KSR2: variants seen among roughly 807,000 people sequenced by gnomAD.
The protein encoded by KSR2 is kinase suppressor of ras 2.
A neutral mutation model predicts 107.8 loss-of-function variants in KSR2; 25 were observed. That is an observed-to-expected ratio of 0.23 (90% CI 0.17 to 0.32). KSR2 has a LOEUF of 0.32. Among genes scored for constraint, KSR2 ranks in the 10% least tolerant of loss-of-function variants. The probability of loss-of-function intolerance (pLI) is 1.00; values close to 1 mark genes in which losing one functional copy is unlikely to be tolerated. For missense variants in KSR2, 887 were observed against 1,268.9 expected (o/e 0.70, Z 4.57); for synonymous variants, 480 against 507.0 (o/e 0.95, Z 0.71).
At chr12:117,927,125 C>T (rs1895541537) in intron 1 of KSR2, among the ~76,000 whole-genome samples, 1 of 152,164 alleles carries the variant, frequency 6.6e-6, no homozygotes, top group African/African-American at 2.4e-5. Context: ...TAATCAATCC[C>T]AGCACTTTGG....
chr12:117,635,242 A>G (rs1883011550), intron 5 of KSR2, among the ~76,000 whole-genome samples: 1 of 152,190 alleles, frequency 6.6e-6, no homozygotes, highest in African/African-American at 2.4e-5. Flanking sequence ...ACTAAAAATA[A>G]TGGACTACAG....
chr12:117,528,696 C>T (rs1318986273), intron 12 of KSR2, among the ~76,000 whole-genome samples: 1 of 152,244 alleles, frequency 6.6e-6, no homozygotes, highest in African/African-American at 2.4e-5. Flanking sequence ...ATGCTGAGAA[C>T]TTGATGCCCT....
intron 1 of KSR2, among the ~76,000 whole-genome samples, chr12:117,895,263 G>A (rs745724687): frequency 2.6e-5 from 4 of 151,794 alleles, no homozygotes; most frequent in African/African-American, 4.8e-5. Flanking sequence ...ATATATTACC[G>A]ACATTTTGAT....
At chr12:117,898,866 T>G (rs1388084710) in intron 1 of KSR2, among the ~76,000 whole-genome samples, 1 of 152,156 alleles carries the variant, frequency 6.6e-6, no homozygotes, top group Non-Finnish European at 1.5e-5. Flanking sequence ...ATTTGTGAGA[T>G]CTAAAAATCA....
chr12:117,896,517 T>C (rs944023092), intron 1 of KSR2, among the ~76,000 whole-genome samples: 1 of 149,618 alleles, frequency 6.7e-6, no homozygotes, highest in African/African-American at 2.5e-5. Context: ...TAGAATGCAA[T>C]GTCGCCATCT....
intron 4 of KSR2, among the ~76,000 whole-genome samples, chr12:117,704,555 C>A (rs1045511839): frequency 6.6e-6 from 1 of 152,062 alleles, no homozygotes; most frequent in Non-Finnish European, 1.5e-5. Flanking sequence ...CTTCTCTATA[C>A]CAAGCTCAAG....
At chr12:117,850,546 G>A (rs772217648) in intron 3 of KSR2, among the ~76,000 whole-genome samples, 8 of 152,186 alleles carry the variant, frequency 5.3e-5, no homozygotes, top group Non-Finnish European at 1.0e-4. Flanking sequence ...AATCCATGAG[G>A]AAGACTGTGT....
At chr12:117,901,178 C>G (rs905191618) in intron 1 of KSR2, among the ~76,000 whole-genome samples, 1 of 151,700 alleles carries the variant, frequency 6.6e-6, no homozygotes, top group African/African-American at 2.4e-5. Flanking sequence ...AAATGGGAGG[C>G]TGCCAAAAAA....
chr12:117,743,158 C>T (rs144665037), intron 4 of KSR2, among the ~76,000 whole-genome samples: 200 of 152,360 alleles, frequency 1.3e-3, no homozygotes, highest in Non-Finnish European at 2.5e-3. Context: ...CCATCTTAAA[C>T]AACTAAACAC....
chr12:117,674,159 C>T, intron 4 of KSR2: 1 of 406,586 alleles, frequency 2.5e-6, no homozygotes, highest in Non-Finnish European at 4.9e-6. Context: ...TTTTCTGATG[C>T]CCAATTTACA....
At chr12:117,547,421 A>C (rs556418887) in intron 9 of KSR2, among the ~76,000 whole-genome samples, 716 of 152,194 alleles carry the variant, frequency 4.7e-3, no homozygotes, top group Non-Finnish European at 8.2e-3. Context: ...CTACCTCAGC[A>C]GGTGTGGGAG....
chr12:117,679,809 TC>T (rs1885294705), intron 4 of KSR2, among the ~76,000 whole-genome samples: 1 of 152,134 alleles, frequency 6.6e-6, no homozygotes, highest in South Asian at 2.1e-4. Context: ...GAACAGGGGT[TC>T]TAGAAGAACT....
intron 1 of KSR2, among the ~76,000 whole-genome samples, chr12:117,879,197 C>T (rs1427693022): frequency 6.6e-6 from 1 of 152,096 alleles, no homozygotes; most frequent in Non-Finnish European, 1.5e-5. Context: ...GATAAATAAT[C>T]CCATGATATT....
chr12:117,582,268 T>C (rs922732792), intron 6 of KSR2, 22 bp downstream of exon 6: 15 of 1,608,104 alleles, frequency 9.3e-6, no homozygotes, highest in Admixed American at 1.7e-5. Context: ...TAGGCACCAG[T>C]GCACACAGGA....
intron 4 of KSR2, among the ~76,000 whole-genome samples, chr12:117,719,411 G>T (rs1887122310): frequency 6.6e-6 from 1 of 152,158 alleles, no homozygotes; most frequent in South Asian, 2.1e-4. Context: ...GGCCAGACTG[G>T]TCCTGAACTC....
At chr12:117,486,317 A>G (rs1284601599) in intron 14 of KSR2, among the ~76,000 whole-genome samples, 1 of 152,214 alleles carries the variant, frequency 6.6e-6, no homozygotes, top group Non-Finnish European at 1.5e-5. Context: ...ATGAAAAAGG[A>G]CATTATGCAC....
chr12:117,936,007 A>T (rs1402466285), intron 1 of KSR2, among the ~76,000 whole-genome samples: 1 of 151,548 alleles, frequency 6.6e-6, no homozygotes, highest in Non-Finnish European at 1.5e-5. Context: ...GTCACCTTCT[A>T]TCATCCTTGA....
At position 117,770,976 on chromosome 12, in the gene KSR2, CA is replaced by C. The variant is rs61641342; in HGVS notation, c.473-9453del. Reference sequence around the variant, plus strand: ...TGGGCGACAGAGCGAGACTCCGTCTCAAAAAAAAAAAAAAAAAAAAGACAGT... The same window carrying C: ...TGGGCGACAGAGCGAGACTCCGTCTCAAAAAAAAAAAAAAAAAAAGACAGT... On this transcript the variant is annotated intron_variant, in intron 3 of 19. Transcript: ENST00000339824. Among the ~76,000 whole-genome samples, 431 of 66,216 alleles carry C rather than the reference CA, an allele frequency of 6.5e-3. 2 individuals are homozygous for C. Among genetic ancestry groups the C allele is most frequent in the African/African-American group, 0.013 (244 of 18,826 alleles). 43.4% of individuals were successfully genotyped at this position (66,216 alleles called of 152,430 possible).
intron 1 of KSR2, among the ~76,000 whole-genome samples, chr12:117,924,348 A>G (rs1246867218): frequency 6.7e-6 from 1 of 149,930 alleles, no homozygotes; most frequent in Non-Finnish European, 1.5e-5. Context: ...CGGGCGGATC[A>G]TGAGGTCGGG....
Sources: gnomAD v4.1 joint callset for allele counts (sites outside exome capture counted in the v4.1 genomes callset) on GRCh38, gnomAD v4.1.1 for gene constraint, MANE v1.5 for transcripts, NCBI Gene and HGNC (gene_info 2026-07-23, HGNC 2026-07-21) for gene names.